SAP30L: variants seen among roughly 807,000 people sequenced by gnomAD.
SAP30L encodes the protein histone deacetylase complex subunit SAP30L.
Under a neutral mutation model 22.3 loss-of-function variants are expected in SAP30L, and 10 were observed. The observed-to-expected ratio is 0.45, with a 90% CI of 0.28 to 0.76. SAP30L has a LOEUF of 0.76. Among genes scored for constraint, SAP30L ranks in the 30% least tolerant of loss-of-function variants. The pLI is 0.14. For synonymous variants in SAP30L, 91 were observed against 94.1 expected (o/e 0.97, Z 0.19); for missense variants, 206 against 237.9 (o/e 0.87, Z 0.88).
intron 3 of SAP30L, among the ~76,000 whole-genome samples, chr5:154,455,001 C>T (rs1269183512): frequency 6.6e-6 from 1 of 152,006 alleles, no homozygotes; most frequent in Non-Finnish European, 1.5e-5. Flanking sequence ...CTCACCACAG[C>T]CTCCACCTCC....
chr5:154,454,392 TA>T (rs34667623), intron 3 of SAP30L, among the ~76,000 whole-genome samples: 26,234 of 152,224 alleles, frequency 0.17, 2,930 homozygotes, highest in Admixed American at 0.34. Flanking sequence ...AGGTATTTTC[TA>T]ATCCCTCTTT....
In SAP30L at chr5:154,459,519, C is replaced by G. The variant is rs1181324506; in HGVS notation, c.*3491C>G. ...ATAGCGTTTGCCTTTTGGAAAGAAA[C>G]AATGCTAGGACATGGACACTTTGGT... On this transcript the variant is annotated 3_prime_UTR_variant, in exon 4 of 4. Coordinates refer to ENST00000297109, the MANE Select transcript of SAP30L (RefSeq NM_024632.6). 1.3e-5 allele frequency: 2 copies of G among 152,236 alleles called. No homozygotes were observed. The highest frequency in any genetic ancestry group is 2.9e-5 in the Non-Finnish European group (2 of 68,052). The allele number at this position is 152,236 out of a possible 1,614,324, so 9.4% of individuals were successfully genotyped here.
chr5:154,452,925 C>A (rs1757179389), intron 2 of SAP30L, among the ~76,000 whole-genome samples: 1 of 152,096 alleles, frequency 6.6e-6, no homozygotes, highest in Admixed American at 6.6e-5. Flanking sequence ...CCGTATCCCC[C>A]CATCAGTCTT....
At chr5:154,447,211 C>G (rs1283318704) in intron 1 of SAP30L, among the ~76,000 whole-genome samples, 1 of 152,240 alleles carries the variant, frequency 6.6e-6, no homozygotes, top group Non-Finnish European at 1.5e-5. Context: ...GTTATTCCTT[C>G]AGACAGAGAA....
intron 1 of SAP30L, among the ~76,000 whole-genome samples, chr5:154,448,703 C>G (rs77056866): frequency 0.019 from 2,925 of 152,322 alleles, 113 homozygotes; most frequent in East Asian, 0.18. Context: ...TACCCATTGA[C>G]TGTACTGGAA....
chr5:154,455,751 C>CT (rs1582045082), intron 3 of SAP30L, 149 bp from the exon 4 acceptor site: 2 of 1,027,698 alleles, frequency 1.9e-6, no homozygotes. Context: ...AAAGGGCACT[C>CT]TGAGTTCCGC....
intron 3 of SAP30L, among the ~76,000 whole-genome samples, chr5:154,454,598 T>C (rs1328903378): frequency 6.6e-6 from 1 of 152,210 alleles, no homozygotes; most frequent in African/African-American, 2.4e-5. Flanking sequence ...CTTTAGAGGT[T>C]TCTTGCTCGA....
rs761314975 is a variant in SAP30L, at chr5:154,446,663, C to T, written c.59C>T (p.Ala20Val). 5.2e-6 allele frequency: 8 copies of T among 1,547,880 alleles called. No homozygotes were observed. The highest frequency in any genetic ancestry group is 7.0e-6 in the Non-Finnish European group (8 of 1,150,528). ...SREGPPAAPA[A>V]AAPGYGQSCC... is the part of the protein sequence containing the mutation. Reference sequence around the variant, plus strand: ...GAAGGGCCCCCCGCCGCCCCAGCTGCCGCCGCCCCGGGCTACGGCCAGAGC... The same window carrying T: ...GAAGGGCCCCCCGCCGCCCCAGCTGTCGCCGCCCCGGGCTACGGCCAGAGC... The change falls in exon 1 of 4, where the codon GCC becomes GTC. Residue 20 changes from alanine to valine, a missense_variant. This residue lies in a region of SAP30L where 70 missense variants were observed against 50.5 expected (regional missense o/e 1.39). Coordinates refer to ENST00000297109, the MANE Select transcript of SAP30L (RefSeq NM_024632.6).
intron 3 of SAP30L, 50 bp from the exon 4 acceptor site, chr5:154,455,850 G>A: frequency 6.4e-7 from 1 of 1,560,630 alleles, no homozygotes; most frequent in South Asian, 1.2e-5. Flanking sequence ...AGAATTTGCG[G>A]TGTGATTTGT....
chr5:154,460,009 T>C lies in SAP30L; in HGVS notation c.*3981T>C, dbSNP rs1379789412. 7 of 152,212 alleles carry C rather than the reference T, an allele frequency of 4.6e-5. No individual in the cohort carries two copies. Among genetic ancestry groups the C allele is most frequent in the Non-Finnish European group, 8.8e-5 (6 of 68,036 alleles). The allele number at this position is 152,212 out of a possible 1,614,324, so 9.4% of individuals were successfully genotyped here. The stretch of plus-strand genomic sequence containing the variant: ...TCAAAAAGATGTGCCTGAGGTCATA[T>C]GGCATTATCAGAACCAACCTCTGGC... On this transcript the variant is annotated 3_prime_UTR_variant, in exon 4 of 4. Transcript: ENST00000297109.
intron 2 of SAP30L, chr5:154,452,415 G>T: frequency 1.1e-6 from 1 of 919,848 alleles, no homozygotes; most frequent in Non-Finnish European, 1.3e-6. Flanking sequence ...AAGAATGAAG[G>T]ACTTTGGCCC....
chr5:154,455,210 C>G lies in SAP30L; in HGVS notation c.424-690C>G, dbSNP rs148278789. On this transcript the variant is annotated intron_variant, in intron 3 of 3. Transcript: ENST00000297109. ...TAGGATTACAGGTGTGAGCCACCAT[C>G]CCCAGCCTAACCCAATTTTTATTTG... 1.3e-3 allele frequency among the ~76,000 whole-genome samples: 199 copies of G among 152,132 alleles called. 1 individual carries two copies. The highest frequency in any genetic ancestry group is 4.7e-3 in the African/African-American group (196 of 41,502).
intron 1 of SAP30L, among the ~76,000 whole-genome samples, chr5:154,450,075 C>A (rs1757106857): frequency 6.6e-6 from 1 of 152,234 alleles, no homozygotes; most frequent in Non-Finnish European, 1.5e-5. Flanking sequence ...ATTCAGAAGT[C>A]TCTGCAGAAC....
chr5:154,457,098 C>T lies in SAP30L; in HGVS notation c.*1070C>T, dbSNP rs1384422761. Reference sequence around the variant, plus strand: ...GAGTTTGGGCAACAAAGGTCAATTCCATCTGATGCTCATTTTTGTGAACAA... The same window carrying T: ...GAGTTTGGGCAACAAAGGTCAATTCTATCTGATGCTCATTTTTGTGAACAA... On this transcript the variant is annotated 3_prime_UTR_variant, in exon 4 of 4. Coordinates refer to ENST00000297109, the MANE Select transcript of SAP30L (RefSeq NM_024632.6). The T allele has an allele frequency of 1.3e-5, 2 of 152,186 alleles. No individual in the cohort carries two copies. Among genetic ancestry groups the T allele is most frequent in the African/African-American group, 4.8e-5 (2 of 41,434 alleles). 9.4% of individuals were successfully genotyped at this position (152,186 alleles called of 1,614,324 possible). A position where few individuals can be genotyped will look rare whatever the true frequency, so the allele number is the denominator to read the frequency against.
chr5:154,457,127 G>A lies in SAP30L; in HGVS notation c.*1099G>A, dbSNP rs1254333008. 1 of 152,116 alleles carries A rather than the reference G, an allele frequency of 6.6e-6. No homozygotes were observed. Among genetic ancestry groups the A allele is most frequent in the Non-Finnish European group, 1.5e-5 (1 of 68,012 alleles). 9.4% of individuals were successfully genotyped at this position (152,116 alleles called of 1,614,324 possible). ...TGATGCTCATTTTTGTGAACAATTT[G>A]CCTCCCTCTTAGGGAGAAAGATTGC... is the stretch of plus-strand genomic sequence containing the variant. On this transcript the variant is annotated 3_prime_UTR_variant, in exon 4 of 4. Transcript: ENST00000297109.
rs1757319013 is a variant in SAP30L at position 154,458,918 on chromosome 5, T to C, written c.*2890T>C. 1 of 152,238 alleles carries C rather than the reference T, an allele frequency of 6.6e-6. No individual in the cohort carries two copies. The highest frequency in any genetic ancestry group is 2.4e-5 in the African/African-American group (1 of 41,466). The allele number at this position is 152,238 out of a possible 1,614,324, so 9.4% of individuals were successfully genotyped here. ...AAAATGAAGAGGAATTTTACTTACA[T>C]GTTACAGCTGCCAAGTTTTTAGATG... On this transcript the variant is annotated 3_prime_UTR_variant, in exon 4 of 4. Transcript: ENST00000297109.
chr5:154,453,375 A>T lies in SAP30L; in HGVS notation c.325-27A>T. The stretch of plus-strand genomic sequence containing the variant: ...TGAGTCCTGGGTGGTCAGGTGATGG[A>T]TAACATTTTTCTCCTCTTCTCCCTA... On this transcript the variant is annotated intron_variant, in intron 2 of 3. Coordinates refer to ENST00000297109, the MANE Select transcript of SAP30L (RefSeq NM_024632.6). The T allele has an allele frequency of 1.9e-6, 3 of 1,565,236 alleles. No homozygotes were observed. The South Asian group carries it at 3.3e-5, about 17-fold the overall frequency.
rs1268436741 is a variant in SAP30L, at chr5:154,456,556, A to C, written c.*528A>C. 6.5e-6 allele frequency: 1 copy of C among 154,054 alleles called. No homozygotes were observed. Among genetic ancestry groups the C allele is most frequent in the African/African-American group, 2.4e-5 (1 of 41,460 alleles). 9.5% of individuals were successfully genotyped at this position (154,054 alleles called of 1,614,324 possible). A position where few individuals can be genotyped will look rare whatever the true frequency, so the allele number is the denominator to read the frequency against. On this transcript the variant is annotated 3_prime_UTR_variant, in exon 4 of 4. Coordinates refer to ENST00000297109, the MANE Select transcript of SAP30L (RefSeq NM_024632.6). Reference sequence around the variant, plus strand: ...ACTCACCCTGTGCCTTGTACACAGTAGGCACTCAATCAGTAGGTATTGGCT... The same window carrying C: ...ACTCACCCTGTGCCTTGTACACAGTCGGCACTCAATCAGTAGGTATTGGCT...
intron 1 of SAP30L, among the ~76,000 whole-genome samples, chr5:154,449,877 A>G (rs1380196029): frequency 2.0e-5 from 3 of 152,198 alleles, no homozygotes; most frequent in Non-Finnish European, 4.4e-5. Flanking sequence ...TCCTGTCTGC[A>G]AGACACCATC....
Sources: gnomAD v4.1 joint callset for allele counts (sites outside exome capture counted in the v4.1 genomes callset) on GRCh38, gnomAD v4.1.1 for gene constraint, gnomAD v4.1.1 regional missense constraint, MANE v1.5 for transcripts, NCBI Gene and HGNC (gene_info 2026-07-23, HGNC 2026-07-21) for gene names.